Variants in STARD13 observed in about 807,000 individuals in gnomAD.
STARD13 encodes the protein stAR-related lipid transfer protein 13.
A neutral mutation model predicts 106.4 loss-of-function variants in STARD13; 62 were observed. The ratio of observed to expected loss-of-function variants is 0.58; its 90% CI spans 0.48 to 0.72. The LOEUF (loss-of-function observed/expected upper bound fraction) is 0.72. Ranked by LOEUF, STARD13 falls within the 30% of genes least tolerant of loss-of-function variation. The pLI is 0.00. For missense variants in STARD13, 1,387 were observed against 1,424.0 expected (o/e 0.97, Z 0.42); for synonymous variants, 565 against 553.0 (o/e 1.02, Z -0.31).
At chr13:33,612,548 G>A in the STARD13 span, among the ~76,000 whole-genome samples, 1 of 152,000 alleles carries the variant, frequency 6.6e-6, no homozygotes, top group Admixed American at 6.6e-5. Context: ...TGCAAAAACC[G>A]CACCATCCTT....
chr13:33,270,757 C>T (rs1891120105), intron 1 of STARD13, among the ~76,000 whole-genome samples: 1 of 152,128 alleles, frequency 6.6e-6, no homozygotes, highest in African/African-American at 2.4e-5. Context: ...TTTTCTTTCC[C>T]TGTGGAAGTT....
the STARD13 span, among the ~76,000 whole-genome samples, chr13:33,358,994 A>T: frequency 1.3e-5 from 2 of 152,206 alleles, no homozygotes; most frequent in Non-Finnish European, 1.5e-5. Context: ...TAGCTCAGGG[A>T]TTGTAAAGGC....
At chr13:33,374,910 C>A in the STARD13 span, among the ~76,000 whole-genome samples, 2 of 152,130 alleles carry the variant, frequency 1.3e-5, no homozygotes, top group Admixed American at 1.3e-4. Flanking sequence ...ATCCAAAATT[C>A]TTTATTGCTA....
At chr13:33,414,927 T>C in the STARD13 span, among the ~76,000 whole-genome samples, 2 of 152,200 alleles carry the variant, frequency 1.3e-5, no homozygotes, top group Admixed American at 1.3e-4. Context: ...AACCTCTAGA[T>C]AGGAATCGTT....
chr13:33,142,526 T>A (rs1160532194), intron 3 of STARD13, among the ~76,000 whole-genome samples, 153 bp from the exon 4 acceptor site: 1 of 152,236 alleles, frequency 6.6e-6, no homozygotes, highest in East Asian at 1.9e-4. Flanking sequence ...GTATGCTATA[T>A]AGTAGTTCCC....
chr13:33,574,452 T>C, the STARD13 span, among the ~76,000 whole-genome samples: 2 of 152,112 alleles, frequency 1.3e-5, no homozygotes, highest in Admixed American at 1.3e-4. Context: ...TTTAGAGATA[T>C]CAGAAAATAG....
At chr13:33,414,405 T>A in the STARD13 span, among the ~76,000 whole-genome samples, 1 of 152,310 alleles carries the variant, frequency 6.6e-6, no homozygotes, top group African/African-American at 2.4e-5. Context: ...TGTCCTTCAA[T>A]GGGTGAATGG....
chr13:33,142,488 T>C (rs1879967141), intron 3 of STARD13, 115 bp from the exon 4 acceptor site: 1 of 896,972 alleles, frequency 1.1e-6, no homozygotes, highest in South Asian at 1.4e-5. Flanking sequence ...ACCAATTATG[T>C]CCCAAGACAG....
intron 1 of STARD13, among the ~76,000 whole-genome samples, chr13:33,177,619 T>A: frequency 6.6e-6 from 1 of 152,092 alleles, no homozygotes; most frequent in Non-Finnish European, 1.5e-5. Flanking sequence ...ATGAAGGCAC[T>A]ATGCTTATTA....
At chr13:33,656,123 G>A in the STARD13 span, among the ~76,000 whole-genome samples, 1 of 152,090 alleles carries the variant, frequency 6.6e-6, no homozygotes, top group Non-Finnish European at 1.5e-5. Context: ...GTATTCTAAT[G>A]ATTTTTTAAA....
At chr13:33,568,735 G>A in the STARD13 span, among the ~76,000 whole-genome samples, 5 of 147,838 alleles carry the variant, frequency 3.4e-5, no homozygotes, top group Non-Finnish European at 6.0e-5. Flanking sequence ...TATTTATAAG[G>A]CCTCAACATA....
chr13:33,148,618 C>A (rs1485606279), intron 3 of STARD13, among the ~76,000 whole-genome samples: 2 of 152,164 alleles, frequency 1.3e-5, no homozygotes, highest in Non-Finnish European at 1.5e-5. Context: ...TCATTCATTG[C>A]TGGTGGGAAT....
chr13:33,484,378 GA>G, the STARD13 span, among the ~76,000 whole-genome samples: 1 of 152,148 alleles, frequency 6.6e-6, no homozygotes, highest in African/African-American at 2.4e-5. Flanking sequence ...TTACTCCTAT[GA>G]ATAACATGAC....
the STARD13 span, among the ~76,000 whole-genome samples, chr13:33,534,336 T>C: frequency 1.3e-5 from 2 of 152,238 alleles, no homozygotes; most frequent in African/African-American, 4.8e-5. Context: ...ATGAACTAAC[T>C]GGATGATGCA....
chr13:33,320,919 G>A (rs1462349700), intron 1 of STARD13, among the ~76,000 whole-genome samples: 6 of 152,114 alleles, frequency 3.9e-5, no homozygotes, highest in South Asian at 2.1e-4. Context: ...ACACAAGCTC[G>A]TTCTTTCACT....
At chr13:33,309,670 A>T (rs1893057688) in intron 1 of STARD13, among the ~76,000 whole-genome samples, 1 of 152,208 alleles carries the variant, frequency 6.6e-6, no homozygotes, top group South Asian at 2.1e-4. Flanking sequence ...TGTGTTCAGG[A>T]TTTCCTAGTC....
Position 33,127,362 on chromosome 13 carries a change from G to A in STARD13, c.1922+11C>T, listed in dbSNP as rs750179917. 5.7e-6 allele frequency: 9 copies of A among 1,565,252 alleles called. No individual in the cohort carries two copies. Among genetic ancestry groups the A allele is most frequent in the Non-Finnish European group, 6.9e-6 (8 of 1,156,888 alleles). Reference sequence around the variant, plus strand: ...GCCAAGGATCCCCTCCTAGGTGAATGTGCTACGCACCATGTCCAGCCGTGC... The same window carrying A: ...GCCAAGGATCCCCTCCTAGGTGAATATGCTACGCACCATGTCCAGCCGTGC... On this transcript the variant is annotated intron_variant, in intron 6 of 13. Coordinates refer to ENST00000336934, the MANE Select transcript of STARD13 (RefSeq NM_178006.4).
Position 33,106,763 on chromosome 13 carries a change from G to A in STARD13, c.3219C>T (p.Asp1073=), listed in dbSNP as rs1406777972. 1 of 1,610,606 alleles carries A rather than the reference G, an allele frequency of 6.2e-7. No individual in the cohort carries two copies. The highest frequency in any genetic ancestry group is 2.2e-5 in the East Asian group (1 of 44,794). The stretch of plus-strand genomic sequence containing the variant: ...TTAAGGGAGTCAGCACTTACTTCAG[G>A]TCTATCCTGCAGATGTGAGTCAGTC... ...KSRLTHICRI[D]LKGHSPEWYS... Residue 1073 remains aspartate, a synonymous_variant, in exon 13 of 14, where the codon GAC becomes GAT. Coordinates refer to ENST00000336934, the MANE Select transcript of STARD13 (RefSeq NM_178006.4).
chr13:33,586,602 A>G, the STARD13 span, among the ~76,000 whole-genome samples: 1 of 152,232 alleles, frequency 6.6e-6, no homozygotes. Flanking sequence ...AGGTGTCTTA[A>G]CCAGCATGCC....
Sources: gnomAD v4.1 joint callset for allele counts (sites outside exome capture counted in the v4.1 genomes callset) on GRCh38, gnomAD v4.1.1 for gene constraint, MANE v1.5 for transcripts, NCBI Gene and HGNC (gene_info 2026-07-23, HGNC 2026-07-21) for gene names.